MAST4: variants seen among roughly 807,000 people sequenced by gnomAD.
MAST4 encodes the protein microtubule-associated serine/threonine-protein kinase 4.
In MAST4, 89 loss-of-function variants were observed where a neutral mutation model predicts 162.7. That is an observed-to-expected ratio of 0.55 (90% confidence interval 0.46 to 0.65). The LOEUF is 0.65. Ranked by LOEUF, MAST4 falls within the 30% of genes least tolerant of loss-of-function variation. The pLI is 0.00. For missense variants in MAST4, 3,153 were observed against 3,374.0 expected, an observed-to-expected ratio of 0.93 and a Z score of 1.62; for synonymous variants, 1,479 against 1,361.1, an observed-to-expected ratio of 1.09 and a Z score of -1.91.
intron 10 of MAST4, 55 bp downstream of exon 10, chr5:67,104,630 A>C: frequency 6.7e-7 from 1 of 1,502,386 alleles, no homozygotes; most frequent in African/African-American, 1.4e-5. Flanking sequence ...CCCTGAAAAA[A>C]ATTTTTTTTT....
At chr5:66,759,644 T>C in intron 1 of MAST4, 65 bp from the exon 2 acceptor site, 15 of 1,539,826 alleles carry the variant, frequency 9.7e-6, no homozygotes, top group Non-Finnish European at 1.3e-5. Flanking sequence ...GTGTGAATGA[T>C]TGGTCTTTCA....
chr5:67,083,255 TAAAAG>T (rs1453942527), intron 5 of MAST4, among the ~76,000 whole-genome samples: 2 of 152,240 alleles, frequency 1.3e-5, no homozygotes, highest in East Asian at 3.9e-4. Flanking sequence ...ATGATTAACT[TAAAAG>T]GAAAAGGAAA....
At chr5:67,127,466 G>A (rs1768391595) in intron 14 of MAST4, among the ~76,000 whole-genome samples, 2 of 152,118 alleles carry the variant, frequency 1.3e-5, no homozygotes, top group South Asian at 2.1e-4. Flanking sequence ...TTTGTTGAAG[G>A]CCTTTTCTGC....
chr5:67,028,988 C>T (rs556723248), intron 4 of MAST4, among the ~76,000 whole-genome samples: 16 of 152,050 alleles, frequency 1.1e-4, no homozygotes, highest in Non-Finnish European at 1.6e-4. Flanking sequence ...TAAATAAATT[C>T]GCTAGGCATG....
intron 1 of MAST4, among the ~76,000 whole-genome samples, chr5:66,747,819 C>T (rs1430384116): frequency 6.6e-6 from 1 of 152,168 alleles, no homozygotes; most frequent in African/African-American, 2.4e-5. Context: ...TTCAGTTAGC[C>T]TCCCTGGCCT....
chr5:66,972,678 A>AGCC (rs1471961248), intron 4 of MAST4, among the ~76,000 whole-genome samples: 1 of 152,160 alleles, frequency 6.6e-6, no homozygotes, highest in African/African-American at 2.4e-5. Context: ...GTGTAGTAGT[A>AGCC]GCCTTCTAGC....
chr5:67,112,849 G>A (rs1160195758), intron 11 of MAST4, among the ~76,000 whole-genome samples: 2 of 152,100 alleles, frequency 1.3e-5, no homozygotes, highest in Non-Finnish European at 2.9e-5. Context: ...AAGTGGAGAT[G>A]AGGATGGGGC....
chr5:67,115,308 A>G (rs1286560875), intron 12 of MAST4, among the ~76,000 whole-genome samples: 1 of 152,168 alleles, frequency 6.6e-6, no homozygotes, highest in Non-Finnish European at 1.5e-5. Flanking sequence ...ATTAAATTGT[A>G]TTTGCAAACA....
chr5:66,766,518 GT>G lies in MAST4; in HGVS notation c.517+6666del, dbSNP rs143199163. Among the ~76,000 whole-genome samples the G allele has an allele frequency of 3.6e-4, 53 of 147,380 alleles. No homozygotes were observed. The East Asian group carries it at 5.2e-3, about 14-fold the overall frequency. On this transcript the variant is annotated intron_variant, in intron 2 of 28. Transcript: ENST00000403625. ...AATTTTTAAAACGGCATTTTTTAGT[GT>G]TTTTTTTTTACTTAGAGAAAGGAAC...
Position 67,167,040 on chromosome 5 carries a change from A to T in MAST4, c.7861A>T (p.Lys2621Ter). The change falls in exon 29 of 29, where the codon AAG becomes TAG. Residue 2621 changes from lysine to a stop codon, truncating the protein, a stop_gained. Coordinates refer to ENST00000403625, the MANE Select transcript of MAST4 (RefSeq NM_001164664.2). LOFTEE classifies it high-confidence loss of function. Reference protein sequence around the residue: ...KESLRSSPHKKAL With the variant: ...KESLRSSPHK Reference sequence around the variant, plus strand: ...GAGTTTGCGTAGCAGCCCTCACAAAAAGGCCTTGTAACGGGGAGGGCCCAG... The same window carrying T: ...GAGTTTGCGTAGCAGCCCTCACAAATAGGCCTTGTAACGGGGAGGGCCCAG... 1 of 1,582,220 alleles carries T rather than the reference A, an allele frequency of 6.3e-7. No individual in the cohort carries two copies. Among genetic ancestry groups the T allele is most frequent in the Non-Finnish European group, 8.6e-7 (1 of 1,163,480 alleles).
intron 3 of MAST4, among the ~76,000 whole-genome samples, chr5:66,831,578 A>G (rs1757599782): frequency 6.6e-6 from 1 of 152,218 alleles, no homozygotes; most frequent in African/African-American, 2.4e-5. Flanking sequence ...ACTTTGAAAA[A>G]TTATTTTCAG....
chr5:66,719,113 T>C (rs1017376142), intron 1 of MAST4, among the ~76,000 whole-genome samples: 10 of 152,206 alleles, frequency 6.6e-5, no homozygotes, highest in African/African-American at 1.9e-4. Context: ...TTGGGAATTA[T>C]TTTCCTTTTG....
intron 1 of MAST4, among the ~76,000 whole-genome samples, chr5:66,615,033 A>G (rs985392102): frequency 6.6e-6 from 1 of 152,102 alleles, no homozygotes; most frequent in African/African-American, 2.4e-5. Context: ...TGCCTTGGGG[A>G]TATTTGCCTG....
chr5:66,976,188 G>A (rs985339775), intron 4 of MAST4, among the ~76,000 whole-genome samples: 1 of 152,154 alleles, frequency 6.6e-6, no homozygotes, highest in Non-Finnish European at 1.5e-5. Flanking sequence ...ACTAACATGA[G>A]ACTCCAAGAA....
Position 67,130,429 on chromosome 5 carries a change from C to T in MAST4, c.1954+11C>T, listed in dbSNP as rs752704363. 120 of 1,612,540 alleles carry T rather than the reference C, an allele frequency of 7.4e-5. No individual in the cohort carries two copies. The highest frequency in any genetic ancestry group is 9.3e-5 in the Non-Finnish European group (110 of 1,179,140). ...TGGAATATGTGGAAGGTATCTGACACGGAAAACATGACACCTGTACCCAGG... is the reference window on the plus strand; with the variant it reads ...TGGAATATGTGGAAGGTATCTGACATGGAAAACATGACACCTGTACCCAGG... On this transcript the variant is annotated intron_variant, in intron 15 of 28. Transcript: ENST00000403625.
At chr5:66,703,850 T>G (rs1749944178) in intron 1 of MAST4, among the ~76,000 whole-genome samples, 1 of 152,208 alleles carries the variant, frequency 6.6e-6, no homozygotes. Context: ...TCAGAAAATG[T>G]GAGCTGCCTT....
At chr5:67,009,310 C>T (rs889412645) in intron 4 of MAST4, among the ~76,000 whole-genome samples, 34 of 152,170 alleles carry the variant, frequency 2.2e-4, no homozygotes, top group African/African-American at 8.0e-4. Flanking sequence ...AGAACAGAGC[C>T]TTTCCAAGGG....
At chr5:66,772,322 C>T (rs544376953) in intron 2 of MAST4, among the ~76,000 whole-genome samples, 2 of 152,166 alleles carry the variant, frequency 1.3e-5, no homozygotes, top group Non-Finnish European at 2.9e-5. Flanking sequence ...TTTCTTTTTC[C>T]CTTTCTTCAT....
At chr5:66,612,023 G>A (rs115988719) in intron 1 of MAST4, among the ~76,000 whole-genome samples, 2,269 of 152,266 alleles carry the variant, frequency 0.015, 54 homozygotes, top group African/African-American at 0.052. Flanking sequence ...TTGAGGGGAA[G>A]CTTTAACAGC....
Sources: gnomAD v4.1 joint callset for allele counts (sites outside exome capture counted in the v4.1 genomes callset) on GRCh38, gnomAD v4.1.1 for gene constraint, MANE v1.5 for transcripts, NCBI Gene and HGNC (gene_info 2026-07-23, HGNC 2026-07-21) for gene names.